Variants in GRID2 observed in about 807,000 individuals in gnomAD.
GRID2 encodes the protein glutamate receptor ionotropic, delta-2.
A neutral mutation model predicts 114.8 loss-of-function variants in GRID2; 33 were observed. The observed-to-expected ratio is 0.29, with a 90% CI of 0.22 to 0.38. GRID2 has a LOEUF of 0.38. Ranked by LOEUF, GRID2 falls within the 10% of genes least tolerant of loss-of-function variation. The pLI, the probability that GRID2 is intolerant of heterozygous loss-of-function variation, is 1.00. For missense variants in GRID2, 1,184 were observed against 1,257.7 expected (o/e 0.94, Z 0.89); for synonymous variants, 505 against 449.9 (o/e 1.12, Z -1.55).
chr4:92,369,097 C>T (rs1219458121), intron 1 of GRID2, among the ~76,000 whole-genome samples: 1 of 151,852 alleles, frequency 6.6e-6, no homozygotes, highest in Non-Finnish European at 1.5e-5. Flanking sequence ...CCAGCTTTTG[C>T]TCATTGAAAT....
intron 5 of GRID2, among the ~76,000 whole-genome samples, chr4:93,210,460 G>A (rs918484296): frequency 6.6e-6 from 1 of 152,056 alleles, no homozygotes; most frequent in Non-Finnish European, 1.5e-5. Flanking sequence ...GTCTGTTTTT[G>A]TACCAGTATC....
At chr4:92,660,792 G>C (rs147903447) in intron 2 of GRID2, among the ~76,000 whole-genome samples, 57 of 150,944 alleles carry the variant, frequency 3.8e-4, no homozygotes, top group Non-Finnish European at 5.0e-4. Flanking sequence ...TATTGAACTA[G>C]ATTTAAATTA....
At chr4:93,453,059 C>A (rs1342931212) in intron 10 of GRID2, among the ~76,000 whole-genome samples, 2 of 139,522 alleles carry the variant, frequency 1.4e-5, no homozygotes, top group Non-Finnish European at 3.1e-5. Context: ...CCACAACAGG[C>A]CCCGGTGTGT....
intron 13 of GRID2, among the ~76,000 whole-genome samples, chr4:93,615,624 A>T (rs1485922396): frequency 6.6e-6 from 1 of 150,480 alleles, no homozygotes; most frequent in Non-Finnish European, 1.5e-5. Context: ...TGCTAATAAT[A>T]AAAGGCCTTC....
intron 1 of GRID2, among the ~76,000 whole-genome samples, chr4:92,405,015 T>C (rs922206136): frequency 2.6e-5 from 4 of 152,056 alleles, no homozygotes; most frequent in South Asian, 4.2e-4. Flanking sequence ...ATCCTGCAAA[T>C]TTATCCTGGA....
intron 4 of GRID2, among the ~76,000 whole-genome samples, chr4:93,206,540 G>GTA (rs1198920674): frequency 6.6e-6 from 1 of 150,462 alleles, no homozygotes; most frequent in East Asian, 2.0e-4. Context: ...CTTAGAATAT[G>GTA]TATGATAAGA....
intron 3 of GRID2, among the ~76,000 whole-genome samples, chr4:93,095,884 T>C (rs1731181602): frequency 6.6e-6 from 1 of 152,058 alleles, no homozygotes; most frequent in Non-Finnish European, 1.5e-5. Flanking sequence ...TTAGAGCCTT[T>C]TGAAGAAATT....
At chr4:92,321,202 A>T (rs906997045) in intron 1 of GRID2, among the ~76,000 whole-genome samples, 1 of 152,238 alleles carries the variant, frequency 6.6e-6, no homozygotes, top group Non-Finnish European at 1.5e-5. Flanking sequence ...GATCCCATTT[A>T]GAACCAAACT....
chr4:92,671,488 A>AT (rs1733069389), intron 2 of GRID2, among the ~76,000 whole-genome samples: 2 of 152,108 alleles, frequency 1.3e-5, no homozygotes, highest in South Asian at 2.1e-4. Flanking sequence ...TTCAGCCTTC[A>AT]TTTTTTAAAT....
intron 8 of GRID2, among the ~76,000 whole-genome samples, chr4:93,303,727 C>G (rs921431338): frequency 1.3e-5 from 2 of 151,784 alleles, no homozygotes; most frequent in Admixed American, 1.3e-4. Context: ...ATCTGGTTAG[C>G]CAGCAATCCA....
chr4:93,103,544 T>C (rs141071549), intron 3 of GRID2, among the ~76,000 whole-genome samples: 1 of 152,248 alleles, frequency 6.6e-6, no homozygotes, highest in East Asian at 1.9e-4. Flanking sequence ...CATGGAAATG[T>C]TTATACCTTA....
chr4:92,336,954 G>GTTTTTTTTTTTTTTTTT (rs59093874), intron 1 of GRID2, among the ~76,000 whole-genome samples: 7 of 78,192 alleles, frequency 9.0e-5, no homozygotes, highest in Admixed American at 1.8e-4. Context: ...TTTCGTTGTT[G>GTTTTTTTTTTTTTTTTT]TTTTTTTTTT....
At chr4:93,304,422 A>T (rs1021576346) in intron 8 of GRID2, among the ~76,000 whole-genome samples, 2 of 151,884 alleles carry the variant, frequency 1.3e-5, no homozygotes, top group Non-Finnish European at 2.9e-5. Context: ...TTTTTACTAG[A>T]GGTGCTTTTT....
At chr4:92,649,499 A>C (rs925336185) in intron 2 of GRID2, among the ~76,000 whole-genome samples, 1 of 151,366 alleles carries the variant, frequency 6.6e-6, no homozygotes, top group Non-Finnish European at 1.5e-5. Flanking sequence ...TACCCCATCT[A>C]CTGATTCCTA....
intron 1 of GRID2, among the ~76,000 whole-genome samples, chr4:92,572,952 T>C (rs1405414022): frequency 6.6e-6 from 1 of 152,142 alleles, no homozygotes; most frequent in African/African-American, 2.4e-5. Flanking sequence ...TATCTGGCCC[T>C]GGGCTTTTTT....
intron 1 of GRID2, among the ~76,000 whole-genome samples, chr4:92,474,959 A>G (rs1579429477): frequency 9.0e-5 from 1 of 11,086 alleles, no homozygotes; most frequent in Non-Finnish European, 1.7e-4. Flanking sequence ...TGATTGTTTT[A>G]ATTTTTTTGG....
chr4:93,776,308 A>G (rs1486712837), downstream of GRID2, among the ~76,000 whole-genome samples: 1 of 152,214 alleles, frequency 6.6e-6, no homozygotes, highest in Non-Finnish European at 1.5e-5. Flanking sequence ...TCTGTCAACA[A>G]ATATTTTAGA....
intron 8 of GRID2, among the ~76,000 whole-genome samples, chr4:93,359,545 A>C (rs1761677212): frequency 6.6e-6 from 1 of 151,300 alleles, no homozygotes; most frequent in African/African-American, 2.4e-5. Context: ...GTAGCCATTA[A>C]CCATCCCCAT....
intron 2 of GRID2, among the ~76,000 whole-genome samples, chr4:92,653,278 T>A (rs1257394275): frequency 1.3e-5 from 2 of 149,968 alleles, no homozygotes; most frequent in South Asian, 2.1e-4. Flanking sequence ...GGATTACAGG[T>A]GTGAGCCATC....
Sources: allele counts gnomAD v4.1 joint callset (sites outside exome capture counted in the v4.1 genomes callset), GRCh38; gene constraint gnomAD v4.1.1; transcripts MANE v1.5; gene names NCBI Gene and HGNC (gene_info 2026-07-23, HGNC 2026-07-21).